The following FBLN7 variants were observed in gnomAD, a reference collection of about 807,000 sequenced individuals.
The protein encoded by FBLN7 is fibulin-7.
FBLN7 carries 31 observed loss-of-function variants against 44.0 expected under a neutral mutation model. The ratio of observed to expected loss-of-function variants is 0.70; its 90% CI spans 0.53 to 0.95. FBLN7 has a LOEUF of 0.95. Among genes scored for constraint, FBLN7 ranks in the 40% least tolerant of loss-of-function variants. The pLI is 0.00. For synonymous variants in FBLN7, 262 were observed against 253.4 expected (o/e 1.03, Z -0.32); for missense variants, 573 against 618.5 (o/e 0.93, Z 0.78).
intron 4 of FBLN7, among the ~76,000 whole-genome samples, chr2:112,180,646 C>T (rs149124914): frequency 0.012 from 1,784 of 152,184 alleles, 36 homozygotes; most frequent in African/African-American, 0.041. Flanking sequence ...TGGGGCTGGG[C>T]GTGGTGGCTC....
chr2:112,146,652 G>A (rs1680914557), intron 1 of FBLN7, among the ~76,000 whole-genome samples: 1 of 143,390 alleles, frequency 7.0e-6, no homozygotes, highest in South Asian at 2.2e-4. Context: ...CGTTGACCTT[G>A]TATCTTGTGA....
chr2:112,220,329 T>C, the FBLN7 span, among the ~76,000 whole-genome samples: 1 of 152,246 alleles, frequency 6.6e-6, no homozygotes, highest in African/African-American at 2.4e-5. Context: ...TCAGGACCTC[T>C]TGTAAGGCAG....
the FBLN7 span, among the ~76,000 whole-genome samples, chr2:112,232,556 G>T: frequency 6.6e-6 from 1 of 152,040 alleles, no homozygotes; most frequent in Non-Finnish European, 1.5e-5. Flanking sequence ...TGATAAATGT[G>T]ATCATTTTTA....
chr2:112,215,242 G>A, the FBLN7 span: 1 of 152,194 alleles, frequency 6.6e-6, no homozygotes, highest in East Asian at 1.9e-4. Context: ...ACTGTATAAG[G>A]TTGTTATGAG....
intron 4 of FBLN7, among the ~76,000 whole-genome samples, chr2:112,179,978 A>C (rs1252086042): frequency 6.6e-6 from 1 of 152,224 alleles, no homozygotes; most frequent in African/African-American, 2.4e-5. Flanking sequence ...CAAAAGCAAA[A>C]ATTGACAAAC....
In FBLN7 at chr2:112,138,606, C is replaced by T. The variant is rs1205913370; in HGVS notation, c.-50C>T. 2 of 1,612,968 alleles carry T rather than the reference C, an allele frequency of 1.2e-6. No individual in the cohort carries two copies. The highest frequency in any genetic ancestry group is 2.2e-5 in the East Asian group (1 of 44,846). ...CGCATCGCTGGGACAAACTCGGCAG[C>T]GGAGGCAAAGTTATTTCCCCTCCCA... On this transcript the variant is annotated 5_prime_UTR_variant, in exon 1 of 8. Transcript: ENST00000331203.
At chr2:112,225,739 C>T in the FBLN7 span, among the ~76,000 whole-genome samples, 1 of 152,120 alleles carries the variant, frequency 6.6e-6, no homozygotes, top group Non-Finnish European at 1.5e-5. Context: ...ATCACTTGAA[C>T]CCAGGAGACG....
intron 4 of FBLN7, among the ~76,000 whole-genome samples, chr2:112,181,138 C>T (rs7600498): frequency 0.15 from 22,866 of 151,622 alleles, 2,675 homozygotes; most frequent in African/African-American, 0.33. Context: ...TAATTGATAA[C>T]AACTTATGAA....
intron 1 of FBLN7, among the ~76,000 whole-genome samples, chr2:112,149,061 A>G (rs1373494771): frequency 6.6e-6 from 1 of 152,108 alleles, no homozygotes; most frequent in Non-Finnish European, 1.5e-5. Context: ...GTTTAGACAA[A>G]TGGGTGGAAT....
the FBLN7 span, among the ~76,000 whole-genome samples, chr2:112,222,011 A>C: frequency 2.0e-5 from 3 of 151,890 alleles, no homozygotes; most frequent in Non-Finnish European, 2.9e-5. Flanking sequence ...TCAATCTTTG[A>C]AGTTGCTGTC....
the FBLN7 span, among the ~76,000 whole-genome samples, chr2:112,221,514 CTAAGG>C: frequency 4.6e-5 from 7 of 152,164 alleles, no homozygotes; most frequent in Non-Finnish European, 8.8e-5. Flanking sequence ...ATTACCCAGT[CTAAGG>C]TATTTCTTTA....
intron 1 of FBLN7, 105 bp from the exon 2 acceptor site, chr2:112,159,571 A>T (rs1204751973): frequency 3.0e-6 from 4 of 1,344,592 alleles, no homozygotes; most frequent in Non-Finnish European, 9.9e-7. Flanking sequence ...GTGAGCTTCA[A>T]ACGCGGTTTG....
chr2:112,212,066 C>T, the FBLN7 span: 2 of 152,238 alleles, frequency 1.3e-5, no homozygotes, highest in African/African-American at 4.8e-5. Flanking sequence ...ACTTACTCCT[C>T]ACAGTTCTGG....
At chr2:112,160,748 G>GCACACA (rs1168211946) in intron 2 of FBLN7, among the ~76,000 whole-genome samples, 7 of 67,410 alleles carry the variant, frequency 1.0e-4, no homozygotes, top group African/African-American at 3.1e-4. Context: ...GCACACACGC[G>GCACACA]CACGCACACA....
chr2:112,235,587 C>CT, the FBLN7 span, among the ~76,000 whole-genome samples: 1 of 152,122 alleles, frequency 6.6e-6, no homozygotes, highest in South Asian at 2.1e-4. Flanking sequence ...TTTACCACCC[C>CT]TTACCCTTGT....
intron 5 of FBLN7, 77 bp downstream of exon 5, chr2:112,181,953 C>G: frequency 6.8e-6 from 10 of 1,465,532 alleles, no homozygotes; most frequent in Non-Finnish European, 9.0e-6. Flanking sequence ...TCACCCACCG[C>G]CCTCCTGCCG....
chr2:112,216,153 C>T, the FBLN7 span: 5 of 152,190 alleles, frequency 3.3e-5, no homozygotes, highest in African/African-American at 7.2e-5. Flanking sequence ...ACCTTGCTTC[C>T]GATTTTATTA....
the FBLN7 span, among the ~76,000 whole-genome samples, chr2:112,208,169 G>A: frequency 6.6e-6 from 1 of 151,972 alleles, no homozygotes; most frequent in African/African-American, 2.4e-5. Context: ...GGAGGCTGAG[G>A]CAGGAGGATC....
the FBLN7 span, among the ~76,000 whole-genome samples, chr2:112,231,331 A>C: frequency 6.6e-6 from 1 of 152,174 alleles, no homozygotes; most frequent in East Asian, 1.9e-4. Context: ...ACTTAGATTA[A>C]ATTTTTAAGA....
Sources: allele counts gnomAD v4.1 joint callset (sites outside exome capture counted in the v4.1 genomes callset), GRCh38; gene constraint gnomAD v4.1.1; transcripts MANE v1.5; gene names NCBI Gene and HGNC (gene_info 2026-07-23, HGNC 2026-07-21).